The following USP31 variants were observed in gnomAD, a reference collection of about 807,000 sequenced individuals.
The protein encoded by USP31 is ubiquitin carboxyl-terminal hydrolase 31.
Under a neutral mutation model 119.4 loss-of-function variants are expected in USP31, and 44 were observed. That is an observed-to-expected ratio of 0.37 (90% CI 0.29 to 0.47). The LOEUF (loss-of-function observed/expected upper bound fraction) is 0.47. USP31 is among the 20% of genes least tolerant of loss of function. USP31 has a pLI of 0.99. For synonymous variants in USP31, 749 were observed against 705.6 expected (o/e 1.06, Z -0.97); for missense variants, 1,643 against 1,730.2 (o/e 0.95, Z 0.89).
chr16:23,128,467 A>C (rs998970350), intron 1 of USP31, among the ~76,000 whole-genome samples: 1 of 152,248 alleles, frequency 6.6e-6, no homozygotes, highest in East Asian at 1.9e-4. Flanking sequence ...TCATAAGGTT[A>C]TAAAAATTCA....
At chr16:23,084,689 T>C (rs1901015180) in intron 11 of USP31, among the ~76,000 whole-genome samples, 171 bp downstream of exon 11, 1 of 152,206 alleles carries the variant, frequency 6.6e-6, no homozygotes, top group Admixed American at 6.5e-5. Flanking sequence ...TACAACTTCT[T>C]GTTAAAGTCC....
At chr16:23,071,744 T>C (rs954000867) in intron 15 of USP31, among the ~76,000 whole-genome samples, 1 of 12,304 alleles carries the variant, frequency 8.1e-5, no homozygotes, top group Non-Finnish European at 2.2e-4. Context: ...TAAAACACTT[T>C]GGGAAAAAAA....
At chr16:23,074,278 A>G (rs1900470585) in intron 13 of USP31, among the ~76,000 whole-genome samples, 1 of 152,160 alleles carries the variant, frequency 6.6e-6, no homozygotes, top group South Asian at 2.1e-4. Flanking sequence ...TAAACATTCT[A>G]TAATGCACAG....
intron 13 of USP31, 145 bp from the exon 14 acceptor site, chr16:23,074,025 A>T: frequency 9.2e-7 from 1 of 1,088,200 alleles, no homozygotes; most frequent in South Asian, 1.4e-5. Context: ...GATTAAAAAA[A>T]AATTCTAAAT....
intron 13 of USP31, among the ~76,000 whole-genome samples, chr16:23,077,820 G>A (rs555003453): frequency 1.3e-5 from 2 of 152,180 alleles, no homozygotes; most frequent in East Asian, 1.9e-4. Context: ...GCTCAAGCAG[G>A]CCCTTAGCCC....
chr16:23,081,273 G>C (rs949156829), intron 12 of USP31, among the ~76,000 whole-genome samples: 1 of 152,186 alleles, frequency 6.6e-6, no homozygotes, highest in Non-Finnish European at 1.5e-5. Context: ...TGGGGAAGGA[G>C]AAACAGCAGG....
rs1318470111 is a variant in USP31, at chr16:23,090,191, C to CCTGA, written c.1415+429_1415+432dup. ...TCTGAGGTCAGGAGTTTGAGACCTG[C>CCTGA]CTGACCAACATGGTGAAACCTCATT... On this transcript the variant is annotated intron_variant, in intron 7 of 15. Coordinates refer to ENST00000219689, the MANE Select transcript of USP31 (RefSeq NM_020718.4). Among the ~76,000 whole-genome samples, 3 of 152,112 alleles carry CCTGA rather than the reference C, an allele frequency of 2.0e-5. No homozygotes were observed. In the East Asian group the frequency reaches 5.8e-4, roughly 29 times the overall value.
intron 13 of USP31, among the ~76,000 whole-genome samples, chr16:23,077,624 C>T (rs943199867): frequency 6.6e-6 from 1 of 152,168 alleles, no homozygotes; most frequent in African/African-American, 2.4e-5. Flanking sequence ...AGCACTAGCA[C>T]TCGGGGTCTT....
intron 6 of USP31, among the ~76,000 whole-genome samples, chr16:23,098,781 G>T (rs1335730240): frequency 6.6e-6 from 1 of 152,194 alleles, no homozygotes; most frequent in African/African-American, 2.4e-5. Context: ...GTAGAAAGCT[G>T]AAACTGGATC....
intron 6 of USP31, among the ~76,000 whole-genome samples, chr16:23,097,777 C>T (rs1342534440): frequency 1.3e-5 from 2 of 152,192 alleles, no homozygotes; most frequent in Admixed American, 6.5e-5. Flanking sequence ...TTCAACAGCC[C>T]TTCATGCTAA....
At chr16:23,127,777 C>T (rs946332008) in intron 1 of USP31, among the ~76,000 whole-genome samples, 2 of 151,882 alleles carry the variant, frequency 1.3e-5, no homozygotes, top group African/African-American at 4.8e-5. Flanking sequence ...CGCGCCTGGC[C>T]GAAACAACTA....
At chr16:23,141,171 C>T (rs1389164916) in intron 1 of USP31, among the ~76,000 whole-genome samples, 1 of 152,224 alleles carries the variant, frequency 6.6e-6, no homozygotes, top group African/African-American at 2.4e-5. Flanking sequence ...AAGGCAGACT[C>T]GGCCTCTGCC....
intron 13 of USP31, among the ~76,000 whole-genome samples, chr16:23,075,218 GA>G (rs570952180): frequency 1.1e-3 from 166 of 152,290 alleles, no homozygotes; most frequent in Non-Finnish European, 2.0e-3. Context: ...GAGCTCTAAG[GA>G]AACAGCAATT....
At position 23,149,067 on chromosome 16, in the gene USP31, A is replaced by G; in HGVS notation, c.204T>C (p.Val68=). 7.9e-7 allele frequency: 1 copy of G among 1,266,668 alleles called. No individual in the cohort carries two copies. The highest frequency in any genetic ancestry group is 1.9e-5 in the South Asian group (1 of 52,218). 78.5% of individuals were successfully genotyped at this position (1,266,668 alleles called of 1,614,324 possible). A position where few individuals can be genotyped will look rare whatever the true frequency, so the allele number is the denominator to read the frequency against. The change falls in exon 1 of 16, where the codon GTT becomes GTC. Residue 68 remains valine, a synonymous_variant. Transcript: ENST00000219689. ...GCGAGAGCGTGGACAGCGTCTTGAGAACGCGGCTCATGAAGCTGCCCACCG... is the reference window on the plus strand; with the variant it reads ...GCGAGAGCGTGGACAGCGTCTTGAGGACGCGGCTCATGAAGCTGCCCACCG... The part of the protein sequence containing the change: ...ARSVGSFMSR[V]LKTLSTLSHL...
rs1333246384 is a variant in USP31 at position 23,102,380 on chromosome 16, G to C, written c.1173C>G (p.Asp391Glu). 6.2e-7 allele frequency: 1 copy of C among 1,613,814 alleles called. No homozygotes were observed. The highest frequency in any genetic ancestry group is 8.5e-7 in the Non-Finnish European group (1 of 1,179,926). The change falls in exon 6 of 16, where the codon GAC becomes GAG. Residue 391 changes from aspartate (D) to glutamate (E), a missense_variant. Asp to Glu is a conservative substitution (Grantham distance 45). Coordinates refer to ENST00000219689, the MANE Select transcript of USP31 (RefSeq NM_020718.4). ...CGGGAGTCTCAAAGGCAAAAATGCA[G>C]TCGCTTTCATGGACTGTTTCCAGGT... Reference protein sequence around the residue: ...TDDLETVHESDCIFAFETPEI... With the variant: ...TDDLETVHESECIFAFETPEI...
At chr16:23,083,271 C>G (rs928008636) in intron 11 of USP31, among the ~76,000 whole-genome samples, 3 of 152,168 alleles carry the variant, frequency 2.0e-5, no homozygotes, top group Admixed American at 6.5e-5. Context: ...ATACTGGCTT[C>G]ATTTCTGTTT....
chr16:23,144,590 G>A (rs560999270), intron 1 of USP31, among the ~76,000 whole-genome samples: 4 of 151,620 alleles, frequency 2.6e-5, no homozygotes, highest in Non-Finnish European at 4.4e-5. Flanking sequence ...AGAGATTCTC[G>A]TGCCTCAGCC....
At chr16:23,075,104 A>T (rs1433850841) in intron 13 of USP31, among the ~76,000 whole-genome samples, 1 of 152,164 alleles carries the variant, frequency 6.6e-6, no homozygotes, top group Non-Finnish European at 1.5e-5. Context: ...GTCCCCCAAA[A>T]TGAGAGCAGA....
At chr16:23,116,420 G>A (rs1902486971) in intron 1 of USP31, among the ~76,000 whole-genome samples, 1 of 152,126 alleles carries the variant, frequency 6.6e-6, no homozygotes, top group Admixed American at 6.5e-5. Flanking sequence ...CTAAGTTGAT[G>A]AAGAATAATT....
Sources: allele counts gnomAD v4.1 joint callset (sites outside exome capture counted in the v4.1 genomes callset), GRCh38; gene constraint gnomAD v4.1.1; transcripts MANE v1.5; gene names NCBI Gene and HGNC (gene_info 2026-07-23, HGNC 2026-07-21).